ARHGAP22: variants seen among roughly 807,000 people sequenced by gnomAD.
ARHGAP22 encodes the protein rho GTPase-activating protein 22.
ARHGAP22 carries 48 observed loss-of-function variants against 59.1 expected under a neutral mutation model. That is an observed-to-expected ratio of 0.81 (90% CI 0.64 to 1.03). The LOEUF (loss-of-function observed/expected upper bound fraction) is 1.03, where lower values mean the gene tolerates loss of function less well. ARHGAP22 is among the 50% of genes least tolerant of loss of function. The probability of loss-of-function intolerance (pLI) is 0.00; values close to 1 mark genes in which losing one functional copy is unlikely to be tolerated. For missense variants in ARHGAP22, 1,015 were observed against 958.7 expected, an observed-to-expected ratio of 1.06 and a Z score of -0.78; for synonymous variants, 445 against 416.4, an observed-to-expected ratio of 1.07 and a Z score of -0.84.
intron 3 of ARHGAP22, among the ~76,000 whole-genome samples, chr10:48,514,577 C>G (rs1157352924): frequency 6.6e-6 from 1 of 152,054 alleles, no homozygotes; most frequent in Non-Finnish European, 1.5e-5. Flanking sequence ...CTGATCAGAC[C>G]TACAAGAAAT....
At chr10:48,513,354 A>T (rs1167166052) in intron 3 of ARHGAP22, among the ~76,000 whole-genome samples, 1 of 152,180 alleles carries the variant, frequency 6.6e-6, no homozygotes, top group East Asian at 1.9e-4. Context: ...TGGAGGAAAG[A>T]CGTGAGAGGG....
intron 3 of ARHGAP22, among the ~76,000 whole-genome samples, chr10:48,486,423 C>T (rs1330122714): frequency 2.0e-5 from 3 of 151,920 alleles, no homozygotes; most frequent in Non-Finnish European, 4.4e-5. Flanking sequence ...CCGCAACCTC[C>T]TCTGCCTCCT....
intron 4 of ARHGAP22, among the ~76,000 whole-genome samples, chr10:48,474,943 C>T (rs375793449): frequency 2.6e-5 from 4 of 152,182 alleles, no homozygotes; most frequent in African/African-American, 9.7e-5. Context: ...CAATCTTTTG[C>T]AATGATGCTT....
At chr10:48,440,966 G>A in the ARHGAP22 span, among the ~76,000 whole-genome samples, 2 of 152,200 alleles carry the variant, frequency 1.3e-5, no homozygotes, top group South Asian at 2.1e-4. Flanking sequence ...TGAGCCTAGC[G>A]ATTGGGCAGC....
At chr10:48,505,080 G>A (rs1017264206) in intron 3 of ARHGAP22, among the ~76,000 whole-genome samples, 4 of 152,138 alleles carry the variant, frequency 2.6e-5, no homozygotes, top group African/African-American at 9.7e-5. Context: ...TTAAGACAAA[G>A]TCTCGCTCTA....
At position 48,450,559 on chromosome 10, in the gene ARHGAP22, C is replaced by T. The variant is rs1467242548; in HGVS notation, c.1570G>A (p.Gly524Ser). The T allele has an allele frequency of 1.3e-6, 2 of 1,526,604 alleles. No homozygotes were observed. Among genetic ancestry groups the T allele is most frequent in the Admixed American group, 2.0e-5 (1 of 49,720 alleles). 94.6% of individuals were successfully genotyped at this position (1,526,604 alleles called of 1,614,324 possible). ...GASSSESSVGGSLSSCTACRA... is the reference protein window; with the variant it reads ...GASSSESSVGSSLSSCTACRA... ...CAGGCCGTGCAGCTGCTGAGTGAGC[C>T]CCCCACCGACGACTCGCTGGACGAG... is the stretch of plus-strand genomic sequence containing the variant. Residue 524 changes from glycine (G) to serine (S), a missense_variant, in exon 9 of 10, where the codon GGC becomes AGC. By Grantham distance (56) the Gly-to-Ser change is moderately conservative (BLOSUM62 0). Coordinates refer to ENST00000249601, the MANE Select transcript of ARHGAP22 (RefSeq NM_021226.4).
chr10:48,546,974 T>C (rs1445310536), intron 3 of ARHGAP22, among the ~76,000 whole-genome samples: 1 of 152,206 alleles, frequency 6.6e-6, no homozygotes, highest in Non-Finnish European at 1.5e-5. Flanking sequence ...CACGGAGCCC[T>C]CTGTGACTTG....
intron 2 of ARHGAP22, among the ~76,000 whole-genome samples, chr10:48,572,130 C>A (rs1158319055): frequency 6.6e-6 from 1 of 152,190 alleles, no homozygotes; most frequent in Non-Finnish European, 1.5e-5. Flanking sequence ...AGTGATCACA[C>A]AACTGACTTT....
rs1379404676 is a variant in ARHGAP22 at position 48,456,111 on chromosome 10, C to T, written c.660-977G>A. Among the ~76,000 whole-genome samples, 3 of 152,168 alleles carry T rather than the reference C, an allele frequency of 2.0e-5. No homozygotes were observed. In the East Asian group the frequency reaches 5.8e-4, roughly 29 times the overall value. On this transcript the variant is annotated intron_variant, in intron 5 of 9. Coordinates refer to ENST00000249601, the MANE Select transcript of ARHGAP22 (RefSeq NM_021226.4). ...TGGCATCTCCTCCGAGCTTGCGTTCCAAGCCGTATATGGGCCCCAGGTTGT... is the reference window on the plus strand; with the variant it reads ...TGGCATCTCCTCCGAGCTTGCGTTCTAAGCCGTATATGGGCCCCAGGTTGT...
chr10:48,610,370 G>A (rs1296025265), intron 1 of ARHGAP22, among the ~76,000 whole-genome samples: 1 of 152,062 alleles, frequency 6.6e-6, no homozygotes, highest in African/African-American at 2.4e-5. Flanking sequence ...GCTTTGCTTG[G>A]AAAGCCCCTG....
At chr10:48,538,164 C>T (rs1168898813) in intron 3 of ARHGAP22, among the ~76,000 whole-genome samples, 1 of 152,176 alleles carries the variant, frequency 6.6e-6, no homozygotes, top group African/African-American at 2.4e-5. Context: ...TTGCCTCTTC[C>T]AGCTGCTGGT....
the ARHGAP22 span, chr10:48,429,885 T>C: frequency 6.6e-6 from 1 of 152,208 alleles, no homozygotes; most frequent in African/African-American, 2.4e-5. Flanking sequence ...TGAAATTCGA[T>C]GCAATATTTT....
chr10:48,464,959 G>C (rs1214685762), intron 4 of ARHGAP22, among the ~76,000 whole-genome samples: 1 of 152,072 alleles, frequency 6.6e-6, no homozygotes, highest in African/African-American at 2.4e-5. Flanking sequence ...CCTCCCAAGA[G>C]GCTTCCTTCC....
intron 2 of ARHGAP22, among the ~76,000 whole-genome samples, chr10:48,559,482 T>C (rs902353644): frequency 6.6e-6 from 1 of 152,218 alleles, no homozygotes; most frequent in African/African-American, 2.4e-5. Flanking sequence ...TTTGTCTGCA[T>C]CTAGGAGGGC....
chr10:48,501,722 G>A, intron 3 of ARHGAP22, among the ~76,000 whole-genome samples: 1 of 148,078 alleles, frequency 6.8e-6, no homozygotes. Context: ...ATAATGTATT[G>A]ATTAAATTAT....
chr10:48,610,442 G>C (rs1481724642), intron 1 of ARHGAP22, among the ~76,000 whole-genome samples: 1 of 152,144 alleles, frequency 6.6e-6, no homozygotes, highest in Non-Finnish European at 1.5e-5. Context: ...CTGTGGGAAA[G>C]GTGACTTAGG....
At chr10:48,644,555 A>C (rs534879767) in intron 1 of ARHGAP22, among the ~76,000 whole-genome samples, 1 of 152,346 alleles carries the variant, frequency 6.6e-6, no homozygotes, top group South Asian at 2.1e-4. Flanking sequence ...CTGATCAATT[A>C]AAAAATCTAA....
At chr10:48,447,927 C>T (rs888274489) in intron 9 of ARHGAP22, among the ~76,000 whole-genome samples, 5 of 152,076 alleles carry the variant, frequency 3.3e-5, no homozygotes, top group Non-Finnish European at 7.4e-5. Flanking sequence ...AGCACCTGGC[C>T]GCTTCCCCCA....
intron 1 of ARHGAP22, among the ~76,000 whole-genome samples, chr10:48,620,309 T>C (rs1429217906): frequency 1.3e-5 from 2 of 151,854 alleles, no homozygotes; most frequent in Non-Finnish European, 2.9e-5. Flanking sequence ...GTGTTTTTCA[T>C]ACACTGTCTT....
Sources: gnomAD v4.1 joint callset for allele counts (sites outside exome capture counted in the v4.1 genomes callset) on GRCh38, gnomAD v4.1.1 for gene constraint, MANE v1.5 for transcripts, NCBI Gene and HGNC (gene_info 2026-07-23, HGNC 2026-07-21) for gene names.